Variants in VWA2 observed in about 807,000 individuals in gnomAD.
VWA2 encodes the protein von Willebrand factor A domain-containing protein 2.
VWA2 carries 73 observed loss-of-function variants against 70.4 expected under a neutral mutation model. The ratio of observed to expected loss-of-function variants is 1.04; its 90% CI spans 0.86 to 1.26. The LOEUF (loss-of-function observed/expected upper bound fraction) is 1.26, where lower values mean the gene tolerates loss of function less well. VWA2 is among the 50% of genes most tolerant of loss of function. VWA2 has a pLI of 0.00. For missense variants in VWA2, 1,011 were observed against 998.5 expected, an observed-to-expected ratio of 1.01 and a Z score of -0.17; for synonymous variants, 407 against 423.3, an observed-to-expected ratio of 0.96 and a Z score of 0.47.
intron 1 of VWA2, among the ~76,000 whole-genome samples, chr10:114,244,309 A>G (rs971031048): frequency 1.3e-5 from 2 of 152,196 alleles, no homozygotes; most frequent in African/African-American, 4.8e-5. Flanking sequence ...CTTCTGCCAG[A>G]GTGTCACCTC....
chr10:114,287,816 A>T (rs1486472245), intron 11 of VWA2, among the ~76,000 whole-genome samples: 1 of 152,236 alleles, frequency 6.6e-6, no homozygotes, highest in Admixed American at 6.5e-5. Context: ...CAGTGTTATC[A>T]TTAATGAACC....
chr10:114,282,448 C>T, intron 8 of VWA2, 68 bp from the exon 9 acceptor site: 1 of 1,262,640 alleles, frequency 7.9e-7, no homozygotes, highest in Non-Finnish European at 1.2e-6. Flanking sequence ...TGTTGTAAAT[C>T]ATCTTCTGTT....
intron 8 of VWA2, among the ~76,000 whole-genome samples, chr10:114,280,229 G>A (rs1386233098): frequency 5.3e-5 from 8 of 152,190 alleles, no homozygotes; most frequent in Non-Finnish European, 1.2e-4. Flanking sequence ...CTTCACTCAA[G>A]AAATACCCAC....
intron 1 of VWA2, among the ~76,000 whole-genome samples, chr10:114,241,761 G>C (rs2036977764): frequency 6.6e-6 from 1 of 152,162 alleles, no homozygotes; most frequent in Admixed American, 6.5e-5. Flanking sequence ...AACACTACGA[G>C]GTTGTTTTAG....
At chr10:114,273,944 G>A (rs1436668864) in intron 6 of VWA2, among the ~76,000 whole-genome samples, 1 of 152,228 alleles carries the variant, frequency 6.6e-6, no homozygotes, top group East Asian at 1.9e-4. Flanking sequence ...AGAGAGGAAA[G>A]CTATTTTAGT....
chr10:114,275,489 C>T (rs533167202), intron 6 of VWA2, among the ~76,000 whole-genome samples: 1 of 152,224 alleles, frequency 6.6e-6, no homozygotes. Flanking sequence ...GTAGAACCCA[C>T]CACACGGTGG....
At chr10:114,243,036 C>CT (rs2037001760) in intron 1 of VWA2, among the ~76,000 whole-genome samples, 1 of 152,210 alleles carries the variant, frequency 6.6e-6, no homozygotes, top group African/African-American at 2.4e-5. Flanking sequence ...ACTTTGGGTC[C>CT]TGTGTGTGTT....
chr10:114,268,832 C>T (rs1589756902), intron 5 of VWA2, among the ~76,000 whole-genome samples: 2 of 152,004 alleles, frequency 1.3e-5, no homozygotes, highest in East Asian at 3.9e-4. Flanking sequence ...GTAGCTGGGA[C>T]GACAGGCACC....
rs2133668107 is a variant in VWA2 at position 114,288,937 on chromosome 10, G to C, written c.1571-1G>C. 1 of 1,600,490 alleles carries C rather than the reference G, an allele frequency of 6.2e-7. No individual in the cohort carries two copies. The highest frequency in any genetic ancestry group is 8.5e-7 in the Non-Finnish European group (1 of 1,171,990). ...TGAAGCCCCTCTGCTTGCTCCTGCA[G>C]GGTGCCGGACACAAGCCCTGGACCT... On this transcript the variant is annotated splice_acceptor_variant, in intron 11 of 13. Coordinates refer to ENST00000392982, the MANE Select transcript of VWA2 (RefSeq NM_001272046.2). LOFTEE classifies it high-confidence loss of function.
chr10:114,244,454 C>T (rs560612670), intron 1 of VWA2, among the ~76,000 whole-genome samples: 1 of 152,340 alleles, frequency 6.6e-6, no homozygotes, highest in African/African-American at 2.4e-5. Flanking sequence ...CAGAACACTT[C>T]ACTTCTCCAT....
chr10:114,243,156 G>C (rs2037004014), intron 1 of VWA2, among the ~76,000 whole-genome samples: 1 of 152,176 alleles, frequency 6.6e-6, no homozygotes, highest in African/African-American at 2.4e-5. Context: ...ACTCTCTTCT[G>C]GCTAAAAATG....
rs556498305 is a variant in VWA2 at position 114,292,151 on chromosome 10, C to T, written c.*914C>T. On this transcript the variant is annotated 3_prime_UTR_variant, in exon 14 of 14. Transcript: ENST00000392982. ...AGGTAGCCGGGGGTGGTGGTGGATG[C>T]CTATAATCCCAGCTACTCGGGAGGC... 1.3e-5 allele frequency among the ~76,000 whole-genome samples: 2 copies of T among 152,084 alleles called. No individual in the cohort carries two copies. The highest frequency in any genetic ancestry group is 2.9e-5 in the Non-Finnish European group (2 of 68,002).
At chr10:114,281,250 C>T (rs1273099227) in intron 8 of VWA2, 3 of 152,246 alleles carry the variant, frequency 2.0e-5, no homozygotes, top group Non-Finnish European at 4.4e-5. Context: ...GAGGCCATCC[C>T]AGGAGCTGCT....
intron 1 of VWA2, chr10:114,246,612 C>T: frequency 6.9e-7 from 1 of 1,440,154 alleles, no homozygotes; most frequent in Non-Finnish European, 9.8e-7. Flanking sequence ...ATAATCCCAG[C>T]CAGAGGCCAA....
At chr10:114,273,873 G>T (rs2037763421) in intron 6 of VWA2, among the ~76,000 whole-genome samples, 1 of 152,164 alleles carries the variant, frequency 6.6e-6, no homozygotes. Flanking sequence ...AATTTCAGGT[G>T]GAAGTAAAAT....
chr10:114,261,167 C>T lies in VWA2; in HGVS notation c.262-19C>T, dbSNP rs776248151. ...TGACTCCAGTCTCGGGGCCCTGAGC[C>T]CCCTGTCTCCTACTGCAGGTCAGAG... is the stretch of plus-strand genomic sequence containing the variant. On this transcript the variant is annotated intron_variant, in intron 4 of 13. Transcript: ENST00000392982. The T allele has an allele frequency of 6.3e-7, 1 of 1,587,140 alleles. No homozygotes were observed. The highest frequency in any genetic ancestry group is 2.2e-5 in the East Asian group (1 of 44,544).
At chr10:114,273,069 C>T in intron 6 of VWA2, 135 bp downstream of exon 6, 1 of 660,762 alleles carries the variant, frequency 1.5e-6, no homozygotes. Context: ...CTCACTTTGC[C>T]ATTTTGACTC....
At chr10:114,252,477 C>A (rs377026471) in intron 2 of VWA2, among the ~76,000 whole-genome samples, 1 of 152,018 alleles carries the variant, frequency 6.6e-6, no homozygotes, top group Non-Finnish European at 1.5e-5. Flanking sequence ...TGGAACCAGC[C>A]GAGGCAGTGC....
intron 1 of VWA2, among the ~76,000 whole-genome samples, chr10:114,240,710 G>C (rs1383955113): frequency 3.3e-5 from 5 of 152,230 alleles, no homozygotes; most frequent in Admixed American, 2.0e-4. Context: ...CCACAGGCAT[G>C]AATTTGTAAA....
Sources: allele counts gnomAD v4.1 joint callset (sites outside exome capture counted in the v4.1 genomes callset), GRCh38; gene constraint gnomAD v4.1.1; transcripts MANE v1.5; gene names NCBI Gene and HGNC (gene_info 2026-07-23, HGNC 2026-07-21).